The following SCN11A variants were observed in gnomAD, a reference collection of about 807,000 sequenced individuals.
SCN11A encodes the protein sodium voltage-gated channel alpha subunit 11, also known as sodium channel protein type 11 subunit alpha.
Under a neutral mutation model 162.2 loss-of-function variants are expected in SCN11A, and 122 were observed. The observed-to-expected ratio is 0.75, with a 90% CI of 0.65 to 0.87. The LOEUF (loss-of-function observed/expected upper bound fraction) is 0.87, where lower values mean the gene tolerates loss of function less well. SCN11A is among the 40% of genes least tolerant of loss of function. The pLI, the probability that SCN11A is intolerant of heterozygous loss-of-function variation, is 0.00. For missense variants in SCN11A, 2,015 were observed against 2,181.6 expected (o/e 0.92, Z 1.52); for synonymous variants, 758 against 751.5 (o/e 1.01, Z -0.14).
intron 2 of SCN11A, among the ~76,000 whole-genome samples, chr3:38,971,250 G>T (rs1234104520): frequency 6.6e-6 from 1 of 151,858 alleles, no homozygotes; most frequent in East Asian, 1.9e-4. Context: ...GACCTCCTGG[G>T]CTCACATACA....
At chr3:38,942,375 A>G (rs1344721602) in intron 7 of SCN11A, among the ~76,000 whole-genome samples, 1 of 152,162 alleles carries the variant, frequency 6.6e-6, no homozygotes, top group African/African-American at 2.4e-5. Flanking sequence ...CCTTTTAAGG[A>G]GTATTTAAGA....
At position 38,904,086 on chromosome 3, in the gene SCN11A, C is replaced by T. The variant is rs1553638689; in HGVS notation, c.1621G>A (p.Glu541Lys). 4 of 1,571,392 alleles carry T rather than the reference C, an allele frequency of 2.5e-6. No homozygotes were observed. The highest frequency in any genetic ancestry group is 1.7e-4 in the Middle Eastern group (1 of 5,816). ...TTTTCTCCACAAGGGAGACAAGGCT[C>T]TTGTGATTTTTCTTGTTCTGGAGGA... Reference protein sequence around the residue: ...ITMKEQEKSQEPCLPCGENLA... With the variant: ...ITMKEQEKSQKPCLPCGENLA... Residue 541 changes from glutamate to lysine, a missense_variant, in exon 16 of 30, where the codon GAG becomes AAG. Transcript: ENST00000302328.
chr3:38,847,636 C>A lies in SCN11A; in HGVS notation c.4434G>T (p.Arg1478=). ...ARIGRILRLV[R]AARGIRTLLF... is the part of the protein sequence containing the mutation. The stretch of plus-strand genomic sequence containing the variant: ...GGAGAGTCCTGATTCCTCGTGCAGC[C>A]CGGACAAGCCTCAGGATTCGGCCAA... The change falls in exon 30 of 30, where the codon CGG becomes CGT. Residue 1478 remains arginine, a synonymous_variant. Transcript: ENST00000302328. The A allele has an allele frequency of 6.2e-7, 1 of 1,614,118 alleles. No individual in the cohort carries two copies. The highest frequency in any genetic ancestry group is 1.1e-5 in the South Asian group (1 of 91,070).
At chr3:38,998,543 T>C (rs9311202) in intron 2 of SCN11A, among the ~76,000 whole-genome samples, 72,936 of 152,022 alleles carry the variant, frequency 0.48, 21,384 homozygotes, top group African/African-American at 0.84. Flanking sequence ...TTTGACCCAG[T>C]CATCCATTAC....
Position 38,953,761 on chromosome 3 carries a change from T to C in SCN11A, c.-138-2A>G, listed in dbSNP as rs2125580288. ...CGAAGCTGAAGCTGCCTGGGGAACC[T>C]GCAAGTGGAGAGAACCAAAAGGCAC... On this transcript the variant is annotated splice_acceptor_variant, in intron 3 of 29. Coordinates refer to ENST00000302328, the MANE Select transcript of SCN11A (RefSeq NM_001349253.2). LOFTEE classifies it low-confidence loss of function (5UTR_SPLICE). Among the ~76,000 whole-genome samples the C allele has an allele frequency of 1.3e-5, 2 of 152,108 alleles. No homozygotes were observed. Among genetic ancestry groups the C allele is most frequent in the East Asian group, 3.9e-4 (2 of 5,186 alleles).
chr3:38,928,904 T>C (rs1426629352), intron 7 of SCN11A, among the ~76,000 whole-genome samples: 1 of 152,130 alleles, frequency 6.6e-6, no homozygotes, highest in South Asian at 2.1e-4. Context: ...AAAATAGACC[T>C]GCTATATGAT....
chr3:38,969,504 T>G (rs1575341703), intron 2 of SCN11A, among the ~76,000 whole-genome samples: 1 of 152,120 alleles, frequency 6.6e-6, no homozygotes, highest in African/African-American at 2.4e-5. Context: ...TGAGTTGTAG[T>G]GACAGGAAGA....
intron 29 of SCN11A, among the ~76,000 whole-genome samples, chr3:38,847,963 T>C (rs1170772817): frequency 6.6e-6 from 1 of 152,178 alleles, no homozygotes; most frequent in Non-Finnish European, 1.5e-5. Context: ...TCTACATTTG[T>C]GTGTAGAAGA....
intron 1 of SCN11A, among the ~76,000 whole-genome samples, chr3:39,040,853 C>A (rs71323693): frequency 1.3e-5 from 2 of 151,606 alleles, no homozygotes; most frequent in Non-Finnish European, 2.9e-5. Context: ...CCGAGGTGGG[C>A]GGATCATGAG....
rs763847940 is a variant in SCN11A, at chr3:38,926,960, G to A, written c.489-29C>T. 3 of 1,599,688 alleles carry A rather than the reference G, an allele frequency of 1.9e-6. No homozygotes were observed. In the African/African-American group the frequency reaches 4.1e-5, roughly 22 times the overall value. On this transcript the variant is annotated intron_variant, in intron 7 of 29. Coordinates refer to ENST00000302328, the MANE Select transcript of SCN11A (RefSeq NM_001349253.2). Reference sequence around the variant, plus strand: ...AAAAGCAAATCATTTACAACAGGAAGAAACATGATAAACAATGTGAAAAGC... The same window carrying A: ...AAAAGCAAATCATTTACAACAGGAAAAAACATGATAAACAATGTGAAAAGC...
At chr3:39,024,171 G>C (rs1229485443) in intron 2 of SCN11A, among the ~76,000 whole-genome samples, 1 of 152,192 alleles carries the variant, frequency 6.6e-6, no homozygotes, top group East Asian at 1.9e-4. Flanking sequence ...CAGAAATGAA[G>C]ACCCAGGGAC....
chr3:39,051,120 G>GTT (rs199801324), intron 1 of SCN11A, among the ~76,000 whole-genome samples: 68 of 146,124 alleles, frequency 4.7e-4, no homozygotes, highest in African/African-American at 8.0e-4. Context: ...TTTTTGTCTT[G>GTT]TTTTTTTTTT....
intron 2 of SCN11A, among the ~76,000 whole-genome samples, chr3:38,979,150 T>C (rs1189003221): frequency 1.3e-5 from 2 of 152,228 alleles, no homozygotes; most frequent in East Asian, 1.9e-4. Flanking sequence ...TTGCTCACCA[T>C]TGAATTTCCA....
Position 38,846,477 on chromosome 3 carries a change from T to G in SCN11A, c.*217A>C. The G allele has an allele frequency of 1.8e-6, 1 of 551,022 alleles. No homozygotes were observed. The highest frequency in any genetic ancestry group is 2.5e-5 in the South Asian group (1 of 40,612). 34.1% of individuals were successfully genotyped at this position (551,022 alleles called of 1,614,324 possible). On this transcript the variant is annotated 3_prime_UTR_variant, in exon 30 of 30. Transcript: ENST00000302328. The stretch of plus-strand genomic sequence containing the variant: ...TCCTTCCTGGTGTCTTCTTCCTTAT[T>G]ATAATAGTACCACTGGTTGTCAAGT...
rs1214246276 is a variant in SCN11A, at chr3:38,897,042, A to G, written c.2206T>C (p.Cys736Arg). 6.2e-7 allele frequency: 1 copy of G among 1,614,166 alleles called. No homozygotes were observed. ...SFNSQKSPKL[C>R]NPTGPTVSCL... is the part of the protein sequence containing the mutation. ...GAGACTGTCGGGCCTGTCGGGTTAC[A>G]GAGTTTTGGACTCTTTTGGGAATTG... The change falls in exon 18 of 30, where the codon TGT (cysteine) becomes CGT (arginine). Residue 736 changes from cysteine to arginine, a missense_variant. Cys to Arg is a radical substitution (Grantham distance 180). Transcript: ENST00000302328.
chr3:39,005,505 G>A (rs563032943), intron 2 of SCN11A, among the ~76,000 whole-genome samples: 24 of 152,238 alleles, frequency 1.6e-4, no homozygotes, highest in Admixed American at 1.3e-3. Context: ...CTCCTACCAC[G>A]TGTGAAAGTG....
chr3:38,903,205 T>A (rs2065731910), intron 16 of SCN11A, among the ~76,000 whole-genome samples: 1 of 152,214 alleles, frequency 6.6e-6, no homozygotes, highest in Non-Finnish European at 1.5e-5. Context: ...ATTTGTTGTT[T>A]CTGATATTCG....
intron 2 of SCN11A, among the ~76,000 whole-genome samples, chr3:38,977,924 C>A (rs1451586006): frequency 6.6e-6 from 1 of 152,158 alleles, no homozygotes; most frequent in Non-Finnish European, 1.5e-5. Flanking sequence ...AATGGTCAGA[C>A]CATCTTCAGC....
At chr3:39,046,269 G>A (rs2032178722) in intron 1 of SCN11A, among the ~76,000 whole-genome samples, 1 of 137,518 alleles carries the variant, frequency 7.3e-6, no homozygotes, top group Non-Finnish European at 1.6e-5. Context: ...CAAAAAGAAA[G>A]GACAGAAGCA....
Sources: allele counts gnomAD v4.1 joint callset (sites outside exome capture counted in the v4.1 genomes callset), GRCh38; gene constraint gnomAD v4.1.1; transcripts MANE v1.5; gene names NCBI Gene and HGNC (gene_info 2026-07-23, HGNC 2026-07-21).